Variants in UNC13C observed in about 807,000 individuals in gnomAD.
UNC13C encodes unc-13 homolog C.
A neutral mutation model predicts 245.4 loss-of-function variants in UNC13C; 174 were observed. That is an observed-to-expected ratio of 0.71 (90% CI 0.63 to 0.80). The LOEUF is 0.80. Among genes scored for constraint, UNC13C ranks in the 30% least tolerant of loss-of-function variants. UNC13C has a pLI of 0.00. For synonymous variants in UNC13C, 992 were observed against 895.1 expected, an observed-to-expected ratio of 1.11 and a Z score of -1.93; for missense variants, 2,829 against 2,602.9, an observed-to-expected ratio of 1.09 and a Z score of -1.89.
intron 4 of UNC13C, among the ~76,000 whole-genome samples, chr15:54,156,770 T>A (rs1256682570): frequency 1.2e-5 from 1 of 86,398 alleles, no homozygotes; most frequent in African/African-American, 5.0e-5. Context: ...TGCCTGCAAC[T>A]GTGGTTCAAA....
intron 1 of UNC13C, among the ~76,000 whole-genome samples, chr15:53,991,125 G>A (rs141223776): frequency 6.6e-6 from 1 of 152,130 alleles, no homozygotes; most frequent in African/African-American, 2.4e-5. Flanking sequence ...TCTGAATTAT[G>A]AGACTTCTTT....
At chr15:53,882,180 T>C in the UNC13C span, among the ~76,000 whole-genome samples, 2 of 152,172 alleles carry the variant, frequency 1.3e-5, no homozygotes, top group Non-Finnish European at 2.9e-5. Context: ...TCAGTAAATG[T>C]CATCTATTAT....
At chr15:54,022,676 T>G (rs879848837) in intron 2 of UNC13C, among the ~76,000 whole-genome samples, 2 of 152,226 alleles carry the variant, frequency 1.3e-5, no homozygotes, top group Non-Finnish European at 2.9e-5. Flanking sequence ...GGTTTGCAAA[T>G]AATATTTTCT....
At chr15:54,240,040 G>C (rs904485180) in intron 7 of UNC13C, among the ~76,000 whole-genome samples, 5 of 152,216 alleles carry the variant, frequency 3.3e-5, no homozygotes, top group Non-Finnish European at 7.3e-5. Flanking sequence ...TGGAATGCTA[G>C]TGTATTTTCT....
rs187354999 is a variant in UNC13C, at chr15:54,583,450, A to C, written c.6106+15503A>C. Among the ~76,000 whole-genome samples, 356 of 152,332 alleles carry C rather than the reference A, an allele frequency of 2.3e-3. 2 individuals are homozygous for C. Among genetic ancestry groups the C allele is most frequent in the African/African-American group, 8.3e-3 (345 of 41,572 alleles). ...TTTCACACCTGAGGTAAAGGGCTAC[A>C]TATGTCCCTCGATTTTTTCTCATAT... On this transcript the variant is annotated intron_variant, in intron 30 of 32. Transcript: ENST00000260323.
At chr15:54,531,120 A>G (rs1444488147) in intron 25 of UNC13C, among the ~76,000 whole-genome samples, 1 of 152,172 alleles carries the variant, frequency 6.6e-6, no homozygotes, top group African/African-American at 2.4e-5. Context: ...GTTGAGTATG[A>G]GAAACTCATC....
chr15:54,248,310 C>G (rs2036050002), intron 7 of UNC13C, among the ~76,000 whole-genome samples: 1 of 152,056 alleles, frequency 6.6e-6, no homozygotes, highest in South Asian at 2.1e-4. Context: ...ACCACAAATG[C>G]TACATTACGC....
rs905458852 is a variant in UNC13C at position 54,460,049 on chromosome 15, C to G, written c.4934-34559C>G. ...ACTGTTTCAGTGGACAGATCTGCGG[C>G]TCAAACTCTGCTGTTCAGATTATTT... is the stretch of plus-strand genomic sequence containing the variant. On this transcript the variant is annotated intron_variant, in intron 19 of 32. Transcript: ENST00000260323. 5.9e-5 allele frequency among the ~76,000 whole-genome samples: 9 copies of G among 152,278 alleles called. No homozygotes were observed. The South Asian group carries it at 1.7e-3, about 28-fold the overall frequency.
chr15:54,297,375 C>T (rs184082103), intron 11 of UNC13C, among the ~76,000 whole-genome samples: 2 of 152,094 alleles, frequency 1.3e-5, no homozygotes, highest in African/African-American at 2.4e-5. Flanking sequence ...TAAATAGAGA[C>T]AGGGTCTCAC....
intron 4 of UNC13C, among the ~76,000 whole-genome samples, chr15:54,161,723 G>A (rs909459563): frequency 4.1e-4 from 62 of 152,088 alleles, no homozygotes; most frequent in African/African-American, 1.4e-3. Context: ...GGCCAGGGTG[G>A]GCATATTACC....
At chr15:53,961,377 G>A in the UNC13C span, among the ~76,000 whole-genome samples, 1 of 152,328 alleles carries the variant, frequency 6.6e-6, no homozygotes, top group Non-Finnish European at 1.5e-5. Context: ...TACAGAAGCT[G>A]GTGTTCTAGA....
At chr15:54,571,223 C>T (rs1851001) in intron 30 of UNC13C, among the ~76,000 whole-genome samples, 48,969 of 152,102 alleles carry the variant, frequency 0.32, 8,314 homozygotes, top group East Asian at 0.54. Context: ...AATGGACTCA[C>T]AGTTCAGCAT....
At chr15:54,216,070 G>C (rs758585809) in intron 4 of UNC13C, among the ~76,000 whole-genome samples, 1 of 151,856 alleles carries the variant, frequency 6.6e-6, no homozygotes, top group African/African-American at 2.4e-5. Flanking sequence ...GCAAATGAGA[G>C]AGGATGTGAG....
At chr15:53,952,693 A>G in the UNC13C span, among the ~76,000 whole-genome samples, 2,549 of 152,318 alleles carry the variant, frequency 0.017, 60 homozygotes, top group Non-Finnish European at 0.021. Flanking sequence ...CCAAATTAGG[A>G]ATCCGCTGTG....
At chr15:54,491,490 A>C (rs1042078228) in intron 19 of UNC13C, among the ~76,000 whole-genome samples, 10 of 152,192 alleles carry the variant, frequency 6.6e-5, no homozygotes, top group Non-Finnish European at 2.9e-5. Context: ...TTGTGCTTAG[A>C]TTGGTAATAT....
At chr15:53,900,176 C>T in the UNC13C span, among the ~76,000 whole-genome samples, 3 of 149,942 alleles carry the variant, frequency 2.0e-5, no homozygotes, top group Non-Finnish European at 3.0e-5. Context: ...GAATGATACC[C>T]TATGGATTTA....
At chr15:54,343,219 C>T (rs71474870) in intron 17 of UNC13C, among the ~76,000 whole-genome samples, 11 of 151,786 alleles carry the variant, frequency 7.2e-5, no homozygotes, top group Admixed American at 2.0e-4. Context: ...CTGCAAACTC[C>T]GCCTCTTGGG....
chr15:54,617,810 G>A (rs566881472), intron 30 of UNC13C, among the ~76,000 whole-genome samples: 1 of 152,152 alleles, frequency 6.6e-6, no homozygotes, highest in South Asian at 2.1e-4. Flanking sequence ...TTCCAATCCA[G>A]AGTCCTGGAC....
the UNC13C span, among the ~76,000 whole-genome samples, chr15:53,847,172 T>G: frequency 0.017 from 2,620 of 152,270 alleles, 52 homozygotes; most frequent in East Asian, 0.081. Flanking sequence ...CATAATAACT[T>G]ATTAACTTTC....
Sources: gnomAD v4.1 joint callset for allele counts (sites outside exome capture counted in the v4.1 genomes callset) on GRCh38, gnomAD v4.1.1 for gene constraint, MANE v1.5 for transcripts, NCBI Gene and HGNC (gene_info 2026-07-23, HGNC 2026-07-21) for gene names.